ZNF462: variants seen among roughly 807,000 people sequenced by gnomAD.
ZNF462 encodes zinc finger protein 462.
ZNF462 carries 10 observed loss-of-function variants against 201.9 expected under a neutral mutation model. The ratio of observed to expected loss-of-function variants is 0.05; its 90% CI spans 0.03 to 0.08. The LOEUF is 0.08. Among genes scored for constraint, ZNF462 ranks in the 10% least tolerant of loss-of-function variants. ZNF462 has a pLI of 1.00. For synonymous variants in ZNF462, 1,227 were observed against 1,193.3 expected, an observed-to-expected ratio of 1.03 and a Z score of -0.58; for missense variants, 2,523 against 3,168.3, an observed-to-expected ratio of 0.80 and a Z score of 4.89.
At position 106,872,713 on chromosome 9, in the gene ZNF462, C is replaced by A. The variant is rs1008257794; in HGVS notation, c.-31+9358C>A. 6.6e-6 allele frequency among the ~76,000 whole-genome samples: 1 copy of A among 152,136 alleles called. No homozygotes were observed. Among genetic ancestry groups the A allele is most frequent in the South Asian group, 2.1e-4 (1 of 4,824 alleles). On this transcript the variant is annotated intron_variant, in intron 1 of 12. Transcript: ENST00000277225. This position sits in a 1 kb window ranked among gnomAD's most constrained non-coding sequence, Gnocchi z 4.5. Reference sequence around the variant, plus strand: ...TATCGGAGTTCAGTTGCAAGAACTTCCCCCCTTTCTGCTGTCAATTGAATA... The same window carrying A: ...TATCGGAGTTCAGTTGCAAGAACTTACCCCCTTTCTGCTGTCAATTGAATA...
In ZNF462 at chr9:106,938,337, A is replaced by C. The variant is rs1283910411; in HGVS notation, c.6236-579A>C. On this transcript the variant is annotated intron_variant, in intron 6 of 12. Coordinates refer to ENST00000277225, the MANE Select transcript of ZNF462 (RefSeq NM_021224.6). This position sits in a 1 kb window ranked among gnomAD's most constrained non-coding sequence, Gnocchi z 4.4. ...TTTCTGTGCTATTGACTAGATAAGG[A>C]AATGGAGTTCTATGCTGAGGTTTAT... 6.6e-6 allele frequency among the ~76,000 whole-genome samples: 1 copy of C among 152,180 alleles called. No individual in the cohort carries two copies. The highest frequency in any genetic ancestry group is 2.4e-5 in the African/African-American group (1 of 41,446).
rs143878541 is a variant in ZNF462 at position 106,913,206 on chromosome 9, A to G, written c.-30-10148A>G. Among the ~76,000 whole-genome samples, 251 of 152,334 alleles carry G rather than the reference A, an allele frequency of 1.6e-3. No homozygotes were observed. Among genetic ancestry groups the G allele is most frequent in the African/African-American group, 5.8e-3 (243 of 41,582 alleles). ...TTAGAATTGCCAGTGGAGACTTAGA[A>G]TTACTAGTGTCTCAGTAGTCAGCTA... is the stretch of plus-strand genomic sequence containing the variant. On this transcript the variant is annotated intron_variant, in intron 1 of 12. Transcript: ENST00000277225. This position sits in a 1 kb window ranked among gnomAD's most constrained non-coding sequence, Gnocchi z 4.1.
Position 106,963,548 on chromosome 9 carries a change from G to A in ZNF462, c.6428-8457G>A, listed in dbSNP as rs138553698. On this transcript the variant is annotated intron_variant, in intron 7 of 12. Transcript: ENST00000277225. The surrounding 1 kb of genome is among the most constrained non-coding windows in gnomAD (Gnocchi z 4.7). ...AATGCCTTGTGTGCCTGTATAGCACGGCTGTCCACAAATTCAATCTAATGG... is the reference window on the plus strand; with the variant it reads ...AATGCCTTGTGTGCCTGTATAGCACAGCTGTCCACAAATTCAATCTAATGG... Among the ~76,000 whole-genome samples the A allele has an allele frequency of 3.9e-5, 6 of 151,958 alleles. No individual in the cohort carries two copies. Among genetic ancestry groups the A allele is most frequent in the East Asian group, 1.9e-4 (1 of 5,186 alleles).
chr9:106,877,540 C>T (rs1827888617), intron 1 of ZNF462, among the ~76,000 whole-genome samples: 1 of 151,826 alleles, frequency 6.6e-6, no homozygotes, highest in Non-Finnish European at 1.5e-5. Flanking sequence ...CAGGCATGCA[C>T]CACCATGCCT....
chr9:106,964,576 C>T (rs142647445), intron 7 of ZNF462, among the ~76,000 whole-genome samples: 1 of 152,084 alleles, frequency 6.6e-6, no homozygotes, highest in African/African-American at 2.4e-5. Flanking sequence ...GGAATGAGAA[C>T]TTAGACATTT....
chr9:106,914,750 G>A (rs548091987), intron 1 of ZNF462, among the ~76,000 whole-genome samples: 2 of 152,280 alleles, frequency 1.3e-5, no homozygotes, highest in East Asian at 3.9e-4. Flanking sequence ...CAATAGTGAA[G>A]GAAATAAAGT....
Position 107,012,924 on chromosome 9 carries a change from T to G in ZNF462, c.*1894T>G, listed in dbSNP as rs1436271581. On this transcript the variant is annotated 3_prime_UTR_variant, in exon 13 of 13. Transcript: ENST00000277225. The stretch of plus-strand genomic sequence containing the variant: ...TTTATTTGTAGGATGTTTGTTTTAA[T>G]TTAATTTTTTTAAGGGATGGGGGCC... The G allele has an allele frequency of 6.6e-6, 1 of 152,226 alleles. No homozygotes were observed. The highest frequency in any genetic ancestry group is 1.9e-4 in the East Asian group (1 of 5,166). 9.4% of individuals were successfully genotyped at this position (152,226 alleles called of 1,614,324 possible).
chr9:106,867,347 T>G (rs1287088010), intron 1 of ZNF462, among the ~76,000 whole-genome samples: 5 of 152,218 alleles, frequency 3.3e-5, no homozygotes, highest in African/African-American at 9.6e-5. Flanking sequence ...CAAGTTCATG[T>G]GGCTTATTAT....
intron 7 of ZNF462, among the ~76,000 whole-genome samples, chr9:106,949,425 C>G (rs1831245033): frequency 1.3e-5 from 2 of 152,370 alleles, no homozygotes; most frequent in Admixed American, 1.3e-4. Flanking sequence ...CCAATGGAAT[C>G]TGGCTGTGTG....
rs192542701 is a variant in ZNF462, at chr9:106,972,743, G to A, written c.6695+471G>A. ...TATTGAAAGACACATAGAGAATCAA[G>A]ACCCTGGCACTTCCAACACTACACT... On this transcript the variant is annotated intron_variant, in intron 8 of 12. Transcript: ENST00000277225. The surrounding 1 kb of genome is among the most constrained non-coding windows in gnomAD (Gnocchi z 4.8). 6.6e-6 allele frequency among the ~76,000 whole-genome samples: 1 copy of A among 152,138 alleles called. No homozygotes were observed. The highest frequency in any genetic ancestry group is 1.5e-5 in the Non-Finnish European group (1 of 68,020).
chr9:106,924,358 A>C lies in ZNF462; in HGVS notation c.446A>C (p.Asn149Thr). ...SSGPPVPGSL[N>T]YNIMMHEGFG... ...GGACCCCCTGTCCCGGGATCCTTAA[A>C]TTATAATATCATGATGCACGAGGGA... Residue 149 changes from asparagine to threonine, a missense_variant, in exon 3 of 13, where the codon AAT (asparagine) becomes ACT (threonine). Asn to Thr is a moderately conservative substitution (Grantham distance 65, BLOSUM62 0). Coordinates refer to ENST00000277225, the MANE Select transcript of ZNF462 (RefSeq NM_021224.6). This position sits in a 1 kb window ranked among gnomAD's most constrained non-coding sequence, Gnocchi z 6.2. The C allele has an allele frequency of 6.2e-7, 1 of 1,614,200 alleles. No individual in the cohort carries two copies. The highest frequency in any genetic ancestry group is 8.5e-7 in the Non-Finnish European group (1 of 1,180,042).
chr9:106,934,777 A>T (rs1830561573), intron 5 of ZNF462, among the ~76,000 whole-genome samples: 1 of 152,080 alleles, frequency 6.6e-6, no homozygotes, highest in South Asian at 2.1e-4. Flanking sequence ...TAGATTTATT[A>T]TTTTTTTAGG....
chr9:106,918,818 C>T (rs1041298387), intron 1 of ZNF462, among the ~76,000 whole-genome samples: 10 of 152,092 alleles, frequency 6.6e-5, no homozygotes, highest in African/African-American at 2.4e-4. Flanking sequence ...ATTCTATTAC[C>T]TGTCCTTGGA....
Position 106,981,640 on chromosome 9 carries a change from G to T in ZNF462, c.6833-2546G>T, listed in dbSNP as rs1477542349. Among the ~76,000 whole-genome samples, 3 of 152,156 alleles carry T rather than the reference G, an allele frequency of 2.0e-5. No individual in the cohort carries two copies. Among genetic ancestry groups the T allele is most frequent in the South Asian group, 2.1e-4 (1 of 4,834 alleles). ...TGAATAATTACTTGAACTTCAGGGT[G>T]TTATTCTGACTATTCATGACTTTGT... On this transcript the variant is annotated intron_variant, in intron 9 of 12. Transcript: ENST00000277225. This position sits in a 1 kb window ranked among gnomAD's most constrained non-coding sequence, Gnocchi z 4.0.
Position 106,927,430 on chromosome 9 carries a change from T to C in ZNF462, c.3518T>C (p.Ile1173Thr), listed in dbSNP as rs1408306708. ...GGCTCCCCCCGGCCACCCGCCCCCATACAACAGCTGAACCGAAGCAGCTCT... is the reference window on the plus strand; with the variant it reads ...GGCTCCCCCCGGCCACCCGCCCCCACACAACAGCTGAACCGAAGCAGCTCT... Reference protein sequence around the residue: ...PQGSPRPPAPIQQLNRSSSER... With the variant: ...PQGSPRPPAPTQQLNRSSSER... The change falls in exon 3 of 13, where the codon ATA becomes ACA. Residue 1173 changes from isoleucine to threonine, a missense_variant. Transcript: ENST00000277225. 2 of 1,201,716 alleles carry C rather than the reference T, an allele frequency of 1.7e-6. No homozygotes were observed. The highest frequency in any genetic ancestry group is 1.2e-5 in the South Asian group (1 of 84,210). The allele number at this position is 1,201,716 out of a possible 1,614,324, so 74.4% of individuals were successfully genotyped here. A position where few individuals can be genotyped will look rare whatever the true frequency, so the allele number is the denominator to read the frequency against.
At chr9:106,901,377 T>G (rs1190954195) in intron 1 of ZNF462, among the ~76,000 whole-genome samples, 1 of 152,188 alleles carries the variant, frequency 6.6e-6, no homozygotes, top group Admixed American at 6.5e-5. Flanking sequence ...TTCTTTTGCT[T>G]AGTCTTCCTT....
At chr9:106,976,444 A>AT (rs1827009158) in intron 9 of ZNF462, 1 of 152,248 alleles carries the variant, frequency 6.6e-6, no homozygotes, top group African/African-American at 2.4e-5. Context: ...GACGTAGTGC[A>AT]TATTGTGCCC....
chr9:106,925,488 A>G lies in ZNF462; in HGVS notation c.1576A>G (p.Asn526Asp). ...GGTGTCTTATGAGAGCTCAAGCATC[A>G]ATGGTAGAAAGTCAGGAGTCATGTT... ...GVVSYESSSI[N>D]GRKSGVMLDP... Residue 526 changes from asparagine (N) to aspartate (D), a missense_variant, in exon 3 of 13, where the codon AAT (asparagine) becomes GAT (aspartate). Asn to Asp is a conservative substitution (Grantham distance 23). Transcript: ENST00000277225. This position sits in a 1 kb window ranked among gnomAD's most constrained non-coding sequence, Gnocchi z 7.9. 1.2e-6 allele frequency: 2 copies of G among 1,614,150 alleles called. No homozygotes were observed. The highest frequency in any genetic ancestry group is 8.5e-7 in the Non-Finnish European group (1 of 1,180,030).
rs1826848608 is a variant in ZNF462, at chr9:106,974,474, G to C, written c.6832+201G>C. The C allele has an allele frequency of 1.4e-6, 1 of 738,236 alleles. No homozygotes were observed. The highest frequency in any genetic ancestry group is 2.3e-6 in the Non-Finnish European group (1 of 430,962). 45.7% of individuals were successfully genotyped at this position (738,236 alleles called of 1,614,324 possible). The stretch of plus-strand genomic sequence containing the variant: ...CTGCTGGGAGTATTTCCTCCACCTG[G>C]AGGGAGGCAAAGGTGATGGATTCTG... On this transcript the variant is annotated intron_variant, in intron 9 of 12. Transcript: ENST00000277225. The surrounding 1 kb of genome is among the most constrained non-coding windows in gnomAD (Gnocchi z 4.0).
Sources: gnomAD v4.1 joint callset for allele counts (sites outside exome capture counted in the v4.1 genomes callset) on GRCh38, gnomAD v4.1.1 for gene constraint, Gnocchi (gnomAD v3.1) non-coding constraint, MANE v1.5 for transcripts, NCBI Gene and HGNC (gene_info 2026-07-23, HGNC 2026-07-21) for gene names.